Variants in AFTPH observed in about 807,000 individuals in gnomAD.
AFTPH encodes aftiphilin, also known as aftiphilin protein.
In AFTPH, 7 loss-of-function variants were observed where a neutral mutation model predicts 72.5. The ratio of observed to expected loss-of-function variants is 0.10; its 90% CI spans 0.05 to 0.18. AFTPH has a LOEUF of 0.18. AFTPH is among the 10% of genes least tolerant of loss of function. The probability of loss-of-function intolerance (pLI) is 1.00; values close to 1 mark genes in which losing one functional copy is unlikely to be tolerated. For synonymous variants in AFTPH, 337 were observed against 370.1 expected, an observed-to-expected ratio of 0.91 and a Z score of 1.03; for missense variants, 979 against 1,060.5, an observed-to-expected ratio of 0.92 and a Z score of 1.07.
chr2:64,530,035 A>G (rs1669533281), intron 1 of AFTPH, among the ~76,000 whole-genome samples: 1 of 152,040 alleles, frequency 6.6e-6, no homozygotes, highest in South Asian at 2.1e-4. Context: ...GGCCGCCTGT[A>G]ATCCTGGCTA....
In AFTPH at chr2:64,579,478, A is replaced by G. The variant is rs748095100; in HGVS notation, c.2395-8A>G. On this transcript the variant is annotated splice_region_variant and splice_polypyrimidine_tract_variant and intron_variant, in intron 6 of 8. Coordinates refer to ENST00000238856, the Ensembl canonical transcript of AFTPH. ...GATTAATTTTGATTTTTTGGTTTTCAACTCTAGGAGTCTCTACCACCCGTC... is the reference window on the plus strand; with the variant it reads ...GATTAATTTTGATTTTTTGGTTTTCGACTCTAGGAGTCTCTACCACCCGTC... 1 of 1,612,448 alleles carries G rather than the reference A, an allele frequency of 6.2e-7. No individual in the cohort carries two copies. The highest frequency in any genetic ancestry group is 1.1e-5 in the South Asian group (1 of 90,896).
intron 7 of AFTPH, 90 bp from the exon 9 acceptor site, chr2:64,585,332 T>C: frequency 6.7e-7 from 1 of 1,484,120 alleles, no homozygotes; most frequent in East Asian, 2.3e-5. Context: ...CTCAGATGTT[T>C]ACAGAATATT....
chr2:64,592,508 TG>T (rs1673886881), exon 9 of AFTPH: 1 of 152,830 alleles, frequency 6.5e-6, no homozygotes, highest in Non-Finnish European at 1.5e-5. Context: ...TTTAATTTTG[TG>T]TATGATGGGT....
chr2:64,539,989 G>A (rs750814899), intron 1 of AFTPH, among the ~76,000 whole-genome samples: 2 of 152,138 alleles, frequency 1.3e-5, no homozygotes, highest in Non-Finnish European at 2.9e-5. Flanking sequence ...AACGTTTATA[G>A]GAAAGGATCA....
At chr2:64,591,803 T>G (rs1183384271) in intron 8 of AFTPH, 85 bp from the exon 10 acceptor site, 1 of 1,437,740 alleles carries the variant, frequency 7.0e-7, no homozygotes, top group African/African-American at 1.4e-5. Flanking sequence ...GATTGCTAAC[T>G]GTCTACCTTG....
intron 1 of AFTPH, among the ~76,000 whole-genome samples, chr2:64,536,566 T>TAAAAAA (rs142981388): frequency 1.9e-5 from 2 of 107,636 alleles, no homozygotes; most frequent in Admixed American, 1.1e-4. Context: ...GACTCCATCT[T>TAAAAAA]AAAAAAAAAA....
chr2:64,536,116 G>A (rs1669870529), intron 1 of AFTPH, among the ~76,000 whole-genome samples: 1 of 152,168 alleles, frequency 6.6e-6, no homozygotes, highest in Non-Finnish European at 1.5e-5. Context: ...ATTCAGTCGT[G>A]GAATTGGAGA....
chr2:64,534,424 G>A (rs759570363), intron 1 of AFTPH, among the ~76,000 whole-genome samples: 6 of 150,908 alleles, frequency 4.0e-5, no homozygotes, highest in African/African-American at 7.3e-5. Flanking sequence ...ATTTTCTCTC[G>A]CCTGAAGCCC....
chr2:64,564,923 C>T (rs1383509008), intron 2 of AFTPH, among the ~76,000 whole-genome samples: 1 of 151,766 alleles, frequency 6.6e-6, no homozygotes, highest in African/African-American at 2.4e-5. Context: ...CTGCCACCTC[C>T]ACCTCTCCTG....
intron 1 of AFTPH, among the ~76,000 whole-genome samples, chr2:64,547,576 C>T (rs1427758250): frequency 4.6e-5 from 7 of 152,094 alleles, no homozygotes; most frequent in Non-Finnish European, 1.5e-5. Context: ...TGCAAATATC[C>T]AGTTCCTCAT....
intron 6 of AFTPH, among the ~76,000 whole-genome samples, chr2:64,573,635 A>G (rs747269818): frequency 3.3e-5 from 5 of 152,154 alleles, no homozygotes; most frequent in African/African-American, 9.7e-5. Context: ...CTTTAACTAA[A>G]CAATCTATGG....
At chr2:64,588,613 G>A (rs1448643287) in intron 8 of AFTPH, among the ~76,000 whole-genome samples, 1 of 152,208 alleles carries the variant, frequency 6.6e-6, no homozygotes, top group African/African-American at 2.4e-5. Context: ...AGCCATCCCA[G>A]TGGGTTTGAA....
Position 64,569,684 on chromosome 2 carries a change from G to C in AFTPH, c.2271+5G>C. ...CCCATGTATGCAGCAGGATTGGTAA[G>C]TACAAAAATCTCTCTGCATGTATTT... On this transcript the variant is annotated splice_donor_5th_base_variant and intron_variant, in intron 5 of 8. Transcript: ENST00000238856. 1 of 1,613,116 alleles carries C rather than the reference G, an allele frequency of 6.2e-7. No individual in the cohort carries two copies. Among genetic ancestry groups the C allele is most frequent in the Non-Finnish European group, 8.5e-7 (1 of 1,179,322 alleles).
At chr2:64,532,295 A>G (rs1347774779) in intron 1 of AFTPH, among the ~76,000 whole-genome samples, 1 of 152,222 alleles carries the variant, frequency 6.6e-6, no homozygotes, top group Non-Finnish European at 1.5e-5. Context: ...AAGGAGGAGT[A>G]AGGCTGGAGA....
chr2:64,560,814 A>G (rs1671684539), intron 2 of AFTPH, among the ~76,000 whole-genome samples: 1 of 152,144 alleles, frequency 6.6e-6, no homozygotes. Flanking sequence ...CGAAGGTTGC[A>G]GTGACCCGAG....
chr2:64,536,566 TAAAAA>T (rs142981388), intron 1 of AFTPH, among the ~76,000 whole-genome samples: 80 of 107,654 alleles, frequency 7.4e-4, no homozygotes, highest in African/African-American at 2.1e-3. Context: ...GACTCCATCT[TAAAAA>T]AAAAAAAAAA....
At chr2:64,538,268 A>G (rs895123945) in intron 1 of AFTPH, among the ~76,000 whole-genome samples, 2 of 152,168 alleles carry the variant, frequency 1.3e-5, no homozygotes, top group African/African-American at 4.8e-5. Context: ...TAAATGTTAT[A>G]TATTTTTTTC....
Position 64,552,595 on chromosome 2 carries a change from A to G in AFTPH, c.1121A>G (p.Lys374Arg), listed in dbSNP as rs537625507. 57 of 1,614,046 alleles carry G rather than the reference A, an allele frequency of 3.5e-5. No homozygotes were observed. The highest frequency in any genetic ancestry group is 4.8e-5 in the Non-Finnish European group (57 of 1,180,012). The stretch of plus-strand genomic sequence containing the variant: ...GCTCACCTATGCATGGATTCTGTTA[A>G]AACTTCTGATGATGAAGTTGGTTCT... The change falls in exon 2 of 9, where the codon AAA (lysine) becomes AGA (arginine). Residue 374 changes from lysine (K) to arginine (R), a missense_variant. Lys to Arg is a conservative substitution (Grantham distance 26). This residue lies in a region of AFTPH where 498 missense variants were observed against 467.6 expected (regional missense o/e 1.06). Coordinates refer to ENST00000238856, the Ensembl canonical transcript of AFTPH.
At chr2:64,586,498 CTCTCT>C (rs1335469080) in intron 8 of AFTPH, among the ~76,000 whole-genome samples, 12 of 152,150 alleles carry the variant, frequency 7.9e-5, no homozygotes, top group Non-Finnish European at 1.5e-4. Flanking sequence ...AAATGTTTCT[CTCTCT>C]TAACTTTAGC....
Sources: allele counts gnomAD v4.1 joint callset (sites outside exome capture counted in the v4.1 genomes callset), GRCh38; gene constraint gnomAD v4.1.1; regional missense constraint gnomAD v4.1.1; transcripts MANE v1.5; gene names NCBI Gene and HGNC (gene_info 2026-07-23, HGNC 2026-07-21).